Variants in ZMPSTE24 observed in about 807,000 individuals in gnomAD.
ZMPSTE24 encodes the protein zinc metallopeptidase STE24.
In ZMPSTE24, 48 loss-of-function variants were observed where a neutral mutation model predicts 56.7. The ratio of observed to expected loss-of-function variants is 0.85; its 90% CI spans 0.67 to 1.08. The LOEUF (loss-of-function observed/expected upper bound fraction) is 1.08, where lower values mean the gene tolerates loss of function less well. ZMPSTE24 is among the 50% of genes least tolerant of loss of function. The probability of loss-of-function intolerance (pLI) is 0.00; values close to 1 mark genes in which losing one functional copy is unlikely to be tolerated. For missense variants in ZMPSTE24, 503 were observed against 548.7 expected (o/e 0.92, Z 0.83); for synonymous variants, 172 against 195.2 (o/e 0.88, Z 0.99).
intron 2 of ZMPSTE24, among the ~76,000 whole-genome samples, chr1:40,263,490 G>C (rs373025645): frequency 6.6e-6 from 1 of 152,162 alleles, no homozygotes; most frequent in East Asian, 1.9e-4. Context: ...GTTCTGCTGA[G>C]TCTTTAAAAT....
intron 6 of ZMPSTE24, among the ~76,000 whole-genome samples, chr1:40,277,461 C>G (rs1285697544): frequency 6.6e-6 from 1 of 152,048 alleles, no homozygotes; most frequent in African/African-American, 2.4e-5. Context: ...GCTTCATTCC[C>G]AGAGATTCTG....
At chr1:40,290,191 C>G (rs1041094609) in intron 8 of ZMPSTE24, among the ~76,000 whole-genome samples, 2 of 151,994 alleles carry the variant, frequency 1.3e-5, no homozygotes, top group South Asian at 4.1e-4. Context: ...TGAGACCATC[C>G]TGGCTAACAC....
chr1:40,258,572 G>A (rs1643462384), intron 1 of ZMPSTE24, among the ~76,000 whole-genome samples, 178 bp downstream of exon 1: 3 of 152,082 alleles, frequency 2.0e-5, no homozygotes, highest in Admixed American at 2.0e-4. Flanking sequence ...GGGTCTTGGT[G>A]CGTCAAGGAA....
intron 6 of ZMPSTE24, among the ~76,000 whole-genome samples, chr1:40,280,777 T>C (rs1383391800): frequency 6.6e-6 from 1 of 152,182 alleles, no homozygotes; most frequent in Non-Finnish European, 1.5e-5. Context: ...AAATATAAAA[T>C]AAACAGCAAG....
Position 40,287,607 on chromosome 1 carries a change from AGAGGTTGCAGT to A in ZMPSTE24, c.1059+1582_1059+1592del, listed in dbSNP as rs372649054. 3.4e-3 allele frequency among the ~76,000 whole-genome samples: 510 copies of A among 151,514 alleles called. 5 individuals carry two copies. Among genetic ancestry groups the A allele is most frequent in the South Asian group, 0.019 (92 of 4,776 alleles). On this transcript the variant is annotated intron_variant, in intron 8 of 9. Transcript: ENST00000372759. ...GGAGAATTGCTTGAACCCAGGAGGCAGAGGTTGCAGTGAGCTGAGATCGCCCCAGTGCACTC... is the reference window on the plus strand; with the variant it reads ...GGAGAATTGCTTGAACCCAGGAGGCAGAGCTGAGATCGCCCCAGTGCACTC...
chr1:40,282,568 C>T (rs1010211176), intron 7 of ZMPSTE24, among the ~76,000 whole-genome samples: 2 of 152,142 alleles, frequency 1.3e-5, no homozygotes, highest in Non-Finnish European at 2.9e-5. Context: ...GGTCGAACTG[C>T]TGGCCTCAAG....
Position 40,260,837 on chromosome 1 carries a change from A to G in ZMPSTE24, c.124-2A>G. 6.2e-7 allele frequency: 1 copy of G among 1,613,050 alleles called. No homozygotes were observed. Among genetic ancestry groups the G allele is most frequent in the Non-Finnish European group, 8.5e-7 (1 of 1,179,212 alleles). On this transcript the variant is annotated splice_acceptor_variant, in intron 1 of 9. Coordinates refer to ENST00000372759, the MANE Select transcript of ZMPSTE24 (RefSeq NM_005857.5). LOFTEE classifies it high-confidence loss of function. Reference sequence around the variant, plus strand: ...TAAAGTGTTTTCTTTAAAATATTTCAGAGAAGGATATATAAAACAACAACT... The same window carrying G: ...TAAAGTGTTTTCTTTAAAATATTTCGGAGAAGGATATATAAAACAACAACT...
At chr1:40,262,687 G>C (rs1043482602) in intron 2 of ZMPSTE24, 6 of 303,638 alleles carry the variant, frequency 2.0e-5, no homozygotes, top group East Asian at 3.0e-4. Flanking sequence ...CTCCCCAAAA[G>C]CTAGTTGCTT....
intron 2 of ZMPSTE24, among the ~76,000 whole-genome samples, chr1:40,263,139 T>C (rs1169679857): frequency 6.6e-6 from 1 of 152,234 alleles, no homozygotes; most frequent in Non-Finnish European, 1.5e-5. Flanking sequence ...TTGGTAATTA[T>C]GGTTGGTGAC....
Position 40,273,535 on chromosome 1 carries a change from AAAATATATATATATATATATATAT to A in ZMPSTE24, c.769+1502_769+1525del, listed in dbSNP as rs1213879643. Among the ~76,000 whole-genome samples, 7 of 45,444 alleles carry A rather than the reference AAAATATATATATATATATATATAT, an allele frequency of 1.5e-4. No homozygotes were observed. In the South Asian group the frequency reaches 2.6e-3, roughly 17 times the overall value. 29.8% of individuals were successfully genotyped at this position (45,444 alleles called of 152,430 possible). A position where few individuals can be genotyped will look rare whatever the true frequency, so the allele number is the denominator to read the frequency against. Reference sequence around the variant, plus strand: ...TCTGTCTAAAAAAAAAAAAAAAAAAAAAATATATATATATATATATATATATATATATATGTCAGACATTTAGTG... The same window carrying A: ...TCTGTCTAAAAAAAAAAAAAAAAAAAATATATATATGTCAGACATTTAGTG... On this transcript the variant is annotated intron_variant, in intron 6 of 9. Coordinates refer to ENST00000372759, the MANE Select transcript of ZMPSTE24 (RefSeq NM_005857.5).
intron 6 of ZMPSTE24, among the ~76,000 whole-genome samples, chr1:40,278,672 TAAGA>T (rs1643697365): frequency 6.6e-6 from 1 of 150,844 alleles, no homozygotes; most frequent in Non-Finnish European, 1.5e-5. Flanking sequence ...TTAAAGAAAT[TAAGA>T]AAGTTTTCTA....
intron 6 of ZMPSTE24, among the ~76,000 whole-genome samples, chr1:40,274,845 G>T (rs1643652620): frequency 6.6e-6 from 1 of 152,138 alleles, no homozygotes; most frequent in Admixed American, 6.5e-5. Flanking sequence ...ATACATTTGG[G>T]ACAAGTTTTA....
chr1:40,262,415 T>G (rs187692036), intron 2 of ZMPSTE24, among the ~76,000 whole-genome samples: 10 of 152,350 alleles, frequency 6.6e-5, no homozygotes, highest in Admixed American at 1.3e-4. Context: ...CAATAAAGAC[T>G]TGGCTTTAGT....
intron 6 of ZMPSTE24, among the ~76,000 whole-genome samples, chr1:40,279,592 G>A (rs1383569230): frequency 6.6e-6 from 1 of 152,236 alleles, no homozygotes; most frequent in African/African-American, 2.4e-5. Context: ...GCTTGAATAA[G>A]TGGTAGTCAG....
At chr1:40,275,589 TA>T (rs1643661760) in intron 6 of ZMPSTE24, among the ~76,000 whole-genome samples, 1 of 151,236 alleles carries the variant, frequency 6.6e-6, no homozygotes, top group African/African-American at 2.4e-5. Context: ...CCATCTCTAC[TA>T]AAAATACAAA....
chr1:40,286,324 T>C (rs1643786498), intron 8 of ZMPSTE24, among the ~76,000 whole-genome samples: 1 of 152,186 alleles, frequency 6.6e-6, no homozygotes, highest in Admixed American at 6.5e-5. Flanking sequence ...TATAAATTAT[T>C]GTTATCACCA....
chr1:40,278,520 T>C (rs1643693729), intron 6 of ZMPSTE24, among the ~76,000 whole-genome samples: 1 of 112,832 alleles, frequency 8.9e-6, no homozygotes, highest in Non-Finnish European at 1.6e-5. Flanking sequence ...ATCGCGCCAC[T>C]GCACTCCAGC....
At chr1:40,278,585 A>AAAAAAAAAG in intron 6 of ZMPSTE24, among the ~76,000 whole-genome samples, 1 of 148,196 alleles carries the variant, frequency 6.7e-6, no homozygotes, top group Non-Finnish European at 1.5e-5. Context: ...AAAAAAAAAA[A>AAAAAAAAAG]AGAATATCTC....
In ZMPSTE24 at chr1:40,292,753, T is replaced by G; in HGVS notation, c.*84T>G. ...CCAGCTCTTGATGTTTTTAAACTTT[T>G]TTTTAGAAGAAAAATTAAGTACAGA... On this transcript the variant is annotated 3_prime_UTR_variant, in exon 10 of 10. Transcript: ENST00000372759. 1 of 1,316,712 alleles carries G rather than the reference T, an allele frequency of 7.6e-7. No individual in the cohort carries two copies. The highest frequency in any genetic ancestry group is 1.5e-5 in the African/African-American group (1 of 67,896). 81.6% of individuals were successfully genotyped at this position (1,316,712 alleles called of 1,614,324 possible).
Sources: allele counts gnomAD v4.1 joint callset (sites outside exome capture counted in the v4.1 genomes callset), GRCh38; gene constraint gnomAD v4.1.1; transcripts MANE v1.5; gene names NCBI Gene and HGNC (gene_info 2026-07-23, HGNC 2026-07-21).